FAM13A: variants seen among roughly 807,000 people sequenced by gnomAD.
The protein encoded by FAM13A is family with sequence similarity 13 member A, also known as protein FAM13A.
A neutral mutation model predicts 129.6 loss-of-function variants in FAM13A; 76 were observed. That is an observed-to-expected ratio of 0.59 (90% CI 0.49 to 0.71). FAM13A has a LOEUF of 0.71. FAM13A is among the 30% of genes least tolerant of loss of function. FAM13A has a pLI of 0.00. For synonymous variants in FAM13A, 443 were observed against 449.9 expected (o/e 0.98, Z 0.20); for missense variants, 1,108 against 1,249.3 (o/e 0.89, Z 1.70).
chr4:88,863,010 A>ATATACATATATATATG (rs144141989), intron 6 of FAM13A, among the ~76,000 whole-genome samples: 3 of 150,752 alleles, frequency 2.0e-5, no homozygotes, highest in Non-Finnish European at 4.4e-5. Flanking sequence ...AAATATATAC[A>ATATACATATATATATG]TATATATTTG....
chr4:88,959,084 A>T (rs946050953), intron 4 of FAM13A, among the ~76,000 whole-genome samples: 2 of 152,230 alleles, frequency 1.3e-5, no homozygotes, highest in African/African-American at 2.4e-5. Context: ...TGTATCTTGA[A>T]ATTAAATAAC....
At chr4:88,820,566 C>T (rs956980353) in intron 7 of FAM13A, among the ~76,000 whole-genome samples, 2 of 152,122 alleles carry the variant, frequency 1.3e-5, no homozygotes, top group African/African-American at 4.8e-5. Flanking sequence ...ATTAAATATG[C>T]TATTTGGAGA....
At chr4:88,901,059 A>G (rs1474953642) in intron 6 of FAM13A, among the ~76,000 whole-genome samples, 3 of 152,186 alleles carry the variant, frequency 2.0e-5, no homozygotes, top group Non-Finnish European at 2.9e-5. Context: ...AGCTTTACAT[A>G]ATGGAAAATG....
intron 8 of FAM13A, among the ~76,000 whole-genome samples, chr4:88,801,066 T>A (rs916227644): frequency 1.9e-4 from 29 of 152,092 alleles, no homozygotes; most frequent in African/African-American, 6.7e-4. Context: ...ATCACAAACA[T>A]ACAAATTCTA....
At chr4:89,029,698 A>C in intron 1 of FAM13A, 49 bp from the exon 2 acceptor site, 3 of 1,495,582 alleles carry the variant, frequency 2.0e-6, no homozygotes, top group Non-Finnish European at 2.7e-6. Context: ...TTACCACAGG[A>C]GGTTGCATGG....
chr4:88,935,927 T>TA (rs35482575), intron 5 of FAM13A, among the ~76,000 whole-genome samples: 28,254 of 151,930 alleles, frequency 0.19, 2,795 homozygotes, highest in Non-Finnish European at 0.21. Flanking sequence ...CGAGATCAGT[T>TA]AAAAAAAATG....
intron 3 of FAM13A, among the ~76,000 whole-genome samples, chr4:89,012,500 G>C (rs552971990): frequency 3.3e-5 from 5 of 152,164 alleles, no homozygotes; most frequent in Non-Finnish European, 7.4e-5. Flanking sequence ...AGAAGTCTTT[G>C]ATAAAAATCT....
intron 13 of FAM13A, among the ~76,000 whole-genome samples, chr4:88,761,462 C>A (rs1744800085): frequency 1.3e-5 from 2 of 152,140 alleles, no homozygotes; most frequent in African/African-American, 4.8e-5. Context: ...AAAAGAGCCA[C>A]TAGTGTATCC....
chr4:88,748,937 C>A lies in FAM13A; in HGVS notation c.2161+15G>T. 1 of 1,599,602 alleles carries A rather than the reference C, an allele frequency of 6.3e-7. No homozygotes were observed. Among genetic ancestry groups the A allele is most frequent in the Non-Finnish European group, 8.6e-7 (1 of 1,166,958 alleles). On this transcript the variant is annotated intron_variant, in intron 17 of 23. Transcript: ENST00000264344. ...GCTTGTTGTACAGAAGCCACAGCTC[C>A]AGAATTTTACCCACCTTTAAGTTGT...
At chr4:88,892,290 C>CT (rs1579148164) in intron 6 of FAM13A, among the ~76,000 whole-genome samples, 1 of 150,372 alleles carries the variant, frequency 6.7e-6, no homozygotes, top group East Asian at 2.0e-4. Flanking sequence ...CACCATTCTA[C>CT]TGCCTCAGCC....
chr4:88,949,125 C>A (rs1579442762), intron 4 of FAM13A, among the ~76,000 whole-genome samples: 2 of 152,284 alleles, frequency 1.3e-5, no homozygotes, highest in Admixed American at 1.3e-4. Flanking sequence ...GTTATCCTCA[C>A]CTTTGTTTCA....
chr4:88,944,019 T>G (rs2148838090), intron 4 of FAM13A, among the ~76,000 whole-genome samples: 1 of 152,332 alleles, frequency 6.6e-6, no homozygotes, highest in African/African-American at 2.4e-5. Flanking sequence ...ATTCAAAAAC[T>G]ATACTATGTT....
At chr4:88,756,244 G>T (rs556094499) in intron 14 of FAM13A, among the ~76,000 whole-genome samples, 1 of 152,306 alleles carries the variant, frequency 6.6e-6, no homozygotes, top group South Asian at 2.1e-4. Context: ...CTTAGTATTT[G>T]CCAATAAGCA....
At chr4:89,052,609 G>GT (rs895294899) in intron 1 of FAM13A, among the ~76,000 whole-genome samples, 95 of 151,938 alleles carry the variant, frequency 6.3e-4, no homozygotes, top group African/African-American at 2.3e-3. Context: ...TGCCTTTGGG[G>GT]TAATTCTTCC....
intron 6 of FAM13A, among the ~76,000 whole-genome samples, chr4:88,865,293 A>G (rs1740185970): frequency 6.6e-6 from 1 of 152,234 alleles, no homozygotes; most frequent in Admixed American, 6.5e-5. Context: ...TTCTTAATTA[A>G]AGGAATTTTA....
intron 4 of FAM13A, among the ~76,000 whole-genome samples, chr4:88,961,198 T>C (rs1444277668): frequency 2.0e-5 from 3 of 151,790 alleles, no homozygotes; most frequent in African/African-American, 4.8e-5. Flanking sequence ...ACACAGAAAA[T>C]ATAGTTGCAA....
At chr4:88,746,871 G>A (rs1377239953) in intron 19 of FAM13A, 61 bp downstream of exon 19, 3 of 1,107,816 alleles carry the variant, frequency 2.7e-6, no homozygotes, top group Non-Finnish European at 4.2e-6. Context: ...ACTGAACATA[G>A]AAAATCCATT....
chr4:89,011,133 C>A (rs187762668), intron 3 of FAM13A, among the ~76,000 whole-genome samples: 1 of 152,288 alleles, frequency 6.6e-6, no homozygotes, highest in African/African-American at 2.4e-5. Context: ...CAGGTGTAAG[C>A]CACCATGCCT....
At chr4:88,955,556 AGAGGTTGGAAC>A (rs1757620303) in intron 4 of FAM13A, among the ~76,000 whole-genome samples, 1 of 152,220 alleles carries the variant, frequency 6.6e-6, no homozygotes, top group African/African-American at 2.4e-5. Context: ...GGTAACAGGC[AGAGGTTGGAAC>A]ACTTTGGAGG....
Sources: allele counts gnomAD v4.1 joint callset (sites outside exome capture counted in the v4.1 genomes callset), GRCh38; gene constraint gnomAD v4.1.1; transcripts MANE v1.5; gene names NCBI Gene and HGNC (gene_info 2026-07-23, HGNC 2026-07-21).